GPC6: variants seen among roughly 807,000 people sequenced by gnomAD.
GPC6 encodes the protein glypican 6, also known as glypican-6.
In GPC6, 14 loss-of-function variants were observed where a neutral mutation model predicts 55.2. The observed-to-expected ratio is 0.25, with a 90% confidence interval of 0.17 to 0.40. The LOEUF (loss-of-function observed/expected upper bound fraction) is 0.40. GPC6 is among the 10% of genes least tolerant of loss of function. The pLI, the probability that GPC6 is intolerant of heterozygous loss-of-function variation, is 1.00. For synonymous variants in GPC6, 278 were observed against 259.6 expected (o/e 1.07, Z -0.68); for missense variants, 641 against 708.5 (o/e 0.90, Z 1.08).
intron 2 of GPC6, among the ~76,000 whole-genome samples, chr13:93,809,318 ATG>A (rs975000987): frequency 5.9e-5 from 9 of 152,180 alleles, no homozygotes; most frequent in African/African-American, 2.2e-4. Flanking sequence ...AGTTTACAAA[ATG>A]TGATTAGTGG....
intron 6 of GPC6, among the ~76,000 whole-genome samples, chr13:94,338,882 A>G (rs1418184671): frequency 6.6e-6 from 1 of 152,076 alleles, no homozygotes; most frequent in Non-Finnish European, 1.5e-5. Context: ...AATGGCCCTA[A>G]TATCGAGCTG....
chr13:94,273,289 T>A (rs568901948), intron 4 of GPC6, among the ~76,000 whole-genome samples: 1 of 152,242 alleles, frequency 6.6e-6, no homozygotes, highest in South Asian at 2.1e-4. Context: ...ATGCTGTCTC[T>A]CTGGGGGAGC....
At chr13:94,050,759 TGA>T (rs913195851) in intron 4 of GPC6, among the ~76,000 whole-genome samples, 2 of 152,132 alleles carry the variant, frequency 1.3e-5, no homozygotes, top group African/African-American at 4.8e-5. Flanking sequence ...ATCCTCTTAC[TGA>T]GAGGGGAAAA....
At chr13:93,597,037 A>G (rs1045046154) in intron 2 of GPC6, among the ~76,000 whole-genome samples, 3 of 150,400 alleles carry the variant, frequency 2.0e-5, no homozygotes, top group African/African-American at 7.3e-5. Flanking sequence ...AAAAGAAAAG[A>G]AAAGACTAGT....
intron 3 of GPC6, among the ~76,000 whole-genome samples, chr13:94,021,704 C>T (rs1051653108): frequency 1.2e-4 from 18 of 151,762 alleles, no homozygotes; most frequent in African/African-American, 2.9e-4. Context: ...TTACAAGGAT[C>T]GTTGGTTATA....
intron 6 of GPC6, among the ~76,000 whole-genome samples, chr13:94,309,499 C>A (rs940331372): frequency 3.9e-5 from 6 of 152,038 alleles, no homozygotes; most frequent in African/African-American, 1.4e-4. Flanking sequence ...TACACCAGTT[C>A]CATCATTTAA....
rs568934181 is a variant in GPC6, at chr13:93,732,092, T to TA, written c.320-98061dup. 1.0e-3 allele frequency among the ~76,000 whole-genome samples: 157 copies of TA among 152,268 alleles called. 3 individuals carry two copies. Among genetic ancestry groups the TA allele is most frequent in the Admixed American group, 2.2e-3 (33 of 15,270 alleles). On this transcript the variant is annotated intron_variant, in intron 2 of 8. Transcript: ENST00000377047. Reference sequence around the variant, plus strand: ...ATCTCTAAATGTTTCCCATCATAGGTAGATGCAGCTTTCCCAGCTTTCTAT... The same window carrying TA: ...ATCTCTAAATGTTTCCCATCATAGGTAAGATGCAGCTTTCCCAGCTTTCTAT...
chr13:93,964,556 T>A (rs1451661703), intron 3 of GPC6, among the ~76,000 whole-genome samples: 1 of 152,138 alleles, frequency 6.6e-6, no homozygotes, highest in East Asian at 1.9e-4. Context: ...GACAATAATA[T>A]TTGTGCACAG....
intron 6 of GPC6, among the ~76,000 whole-genome samples, chr13:94,331,956 T>G (rs17196161): frequency 6.6e-6 from 1 of 152,190 alleles, no homozygotes; most frequent in Admixed American, 6.5e-5. Flanking sequence ...CAATAAGCGA[T>G]GGAGAAATCT....
chr13:93,978,351 C>T (rs1031134227), intron 3 of GPC6, among the ~76,000 whole-genome samples: 3 of 152,016 alleles, frequency 2.0e-5, no homozygotes, highest in Non-Finnish European at 2.9e-5. Context: ...AATGAATAGC[C>T]GAGGTTTTAT....
intron 4 of GPC6, among the ~76,000 whole-genome samples, chr13:94,280,925 C>T (rs915763890): frequency 2.0e-5 from 3 of 152,030 alleles, no homozygotes; most frequent in Non-Finnish European, 4.4e-5. Context: ...GACACATTAT[C>T]ATCTTAATTC....
rs182623938 is a variant in GPC6 at position 94,076,234 on chromosome 13, T to G, written c.877+48340T>G. 2.8e-3 allele frequency among the ~76,000 whole-genome samples: 426 copies of G among 152,094 alleles called. 1 individual carries two copies. The highest frequency in any genetic ancestry group is 9.9e-3 in the African/African-American group (411 of 41,562). Reference sequence around the variant, plus strand: ...TGACTAGTGATGTTGAGCATTATTTTATTTACCTGTTTACCATTTATATGT... The same window carrying G: ...TGACTAGTGATGTTGAGCATTATTTGATTTACCTGTTTACCATTTATATGT... On this transcript the variant is annotated intron_variant, in intron 4 of 8. Coordinates refer to ENST00000377047, the MANE Select transcript of GPC6 (RefSeq NM_005708.5).
chr13:93,518,581 C>A (rs946173049), intron 1 of GPC6, among the ~76,000 whole-genome samples: 22 of 151,944 alleles, frequency 1.4e-4, no homozygotes, highest in African/African-American at 5.3e-4. Flanking sequence ...TAACTGTTAT[C>A]TTAGTAAACA....
chr13:93,947,010 C>T (rs1235138442), intron 3 of GPC6, among the ~76,000 whole-genome samples: 3 of 152,206 alleles, frequency 2.0e-5, no homozygotes, highest in Non-Finnish European at 4.4e-5. Flanking sequence ...GTTTTCCTGA[C>T]TTTCAAAACT....
intron 2 of GPC6, among the ~76,000 whole-genome samples, chr13:93,575,148 G>A (rs1300665824): frequency 6.6e-6 from 1 of 152,094 alleles, no homozygotes. Context: ...ACAAAAATTA[G>A]CAGGGTGTGA....
At chr13:94,360,828 G>A (rs1286558344) in intron 6 of GPC6, among the ~76,000 whole-genome samples, 1 of 152,144 alleles carries the variant, frequency 6.6e-6, no homozygotes, top group African/African-American at 2.4e-5. Flanking sequence ...TGGTTAATTT[G>A]AGACTGCAGG....
At chr13:93,886,545 T>C (rs1267640909) in intron 3 of GPC6, among the ~76,000 whole-genome samples, 2 of 152,040 alleles carry the variant, frequency 1.3e-5, no homozygotes, top group East Asian at 1.9e-4. Context: ...AAGCTTTATG[T>C]AGTCTCTGTC....
chr13:93,933,452 G>T (rs574273853), intron 3 of GPC6, among the ~76,000 whole-genome samples: 1 of 152,066 alleles, frequency 6.6e-6, no homozygotes, highest in South Asian at 2.1e-4. Context: ...TTTAAACCAG[G>T]CTCTACTACT....
chr13:93,644,114 G>A (rs1343912020), intron 2 of GPC6, among the ~76,000 whole-genome samples: 2 of 151,984 alleles, frequency 1.3e-5, no homozygotes, highest in African/African-American at 4.8e-5. Flanking sequence ...TCCCATTGAA[G>A]CTTATCTCTT....
Sources: gnomAD v4.1 joint callset for allele counts (sites outside exome capture counted in the v4.1 genomes callset) on GRCh38, gnomAD v4.1.1 for gene constraint, MANE v1.5 for transcripts, NCBI Gene and HGNC (gene_info 2026-07-23, HGNC 2026-07-21) for gene names.